Variants in KANK3 observed in about 807,000 individuals in gnomAD.
The protein encoded by KANK3 is KN motif and ankyrin repeat domains 3.
KANK3 carries 61 observed loss-of-function variants against 65.4 expected under a neutral mutation model. The ratio of observed to expected loss-of-function variants is 0.93; its 90% CI spans 0.76 to 1.15. KANK3 has a LOEUF of 1.15. KANK3 is among the 50% of genes most tolerant of loss of function. The pLI is 0.00. For synonymous variants in KANK3, 586 were observed against 543.3 expected (o/e 1.08, Z -1.09); for missense variants, 1,187 against 1,178.8 (o/e 1.01, Z -0.10).
chr19:8,337,199 ATTTTTTTT>A (rs33926642), intron 2 of KANK3, among the ~76,000 whole-genome samples: 2 of 88,856 alleles, frequency 2.3e-5, no homozygotes, highest in Non-Finnish European at 4.2e-5. Context: ...TGCCTGGCTA[ATTTTTTTT>A]TTTTTTTTTT....
At position 8,322,941 on chromosome 19, in the gene KANK3, A is replaced by AG; in HGVS notation, c.2383-20dup. The AG allele has an allele frequency of 4.4e-6, 6 of 1,372,408 alleles. No homozygotes were observed. Among genetic ancestry groups the AG allele is most frequent in the Non-Finnish European group, 5.9e-6 (6 of 1,014,714 alleles). 85.0% of individuals were successfully genotyped at this position (1,372,408 alleles called of 1,614,324 possible). A position where few individuals can be genotyped will look rare whatever the true frequency, so the allele number is the denominator to read the frequency against. On this transcript the variant is annotated intron_variant, in intron 10 of 10. Transcript: ENST00000330915. ...ACTCGCTCTGGAGAGAGGGGAAAAG[A>AG]GGGGGGCCTGCTGCAATCTCCTTGA... is the stretch of plus-strand genomic sequence containing the variant.
rs753560105 is a variant in KANK3, at chr19:8,324,730, T to C, written c.2183A>G (p.Asp728Gly). ...GGCACACATCAGCGCTGTGGCCCCATCCGCATCCTGCGCATTCACATCAGC... is the reference window on the plus strand; with the variant it reads ...GGCACACATCAGCGCTGTGGCCCCACCCGCATCCTGCGCATTCACATCAGC... ...CGADVNAQDA[D>G]GATALMCASE... The change falls in exon 9 of 11, where the codon GAT (aspartate) becomes GGT (glycine). Residue 728 changes from aspartate (D) to glycine (G), a missense_variant. Asp to Gly is a moderately conservative substitution (Grantham distance 94). Transcript: ENST00000330915. 1.9e-6 allele frequency: 3 copies of C among 1,613,906 alleles called. No individual in the cohort carries two copies. The highest frequency in any genetic ancestry group is 1.1e-5 in the South Asian group (1 of 91,094).
rs573315741 is a variant in KANK3 at position 8,325,296 on chromosome 19, C to CTTTTTTTTTTTTTTTTT, written c.1937-217_1937-201dup. On this transcript the variant is annotated intron_variant, in intron 7 of 10. Transcript: ENST00000330915. ...TCAGTGAAGGACCTTCCTGTTTCAT[C>CTTTTTTTTTTTTTTTTT]TTTTTTTTTTTTTTTTTTTTTTTTT... 3.9e-4 allele frequency among the ~76,000 whole-genome samples: 31 copies of CTTTTTTTTTTTTTTTTT among 78,636 alleles called. 4 individuals are homozygous for CTTTTTTTTTTTTTTTTT. The highest frequency in any genetic ancestry group is 5.9e-4 in the African/African-American group (11 of 18,660). 51.6% of individuals were successfully genotyped at this position (78,636 alleles called of 152,430 possible).
At position 8,322,908 on chromosome 19, in the gene KANK3, AG is replaced by A; in HGVS notation, c.2396del (p.Pro799LeufsTer33). ...GQPDTQSESP[P>X]GSQTATPGEG... The stretch of plus-strand genomic sequence containing the variant: ...CACCAGGTGTGGCTGTCTGGGAGCC[AG>A]GGGGTGACTCGCTCTGGAGAGAGGG... On this transcript the variant is annotated frameshift_variant, in exon 11 of 11. Transcript: ENST00000330915. LOFTEE classifies it low-confidence loss of function (END_TRUNC). 7 of 1,544,762 alleles carry A rather than the reference AG, an allele frequency of 4.5e-6. No individual in the cohort carries two copies. The highest frequency in any genetic ancestry group is 2.0e-5 in the Admixed American group (1 of 49,642).
chr19:8,328,437 A>G (rs1035248758), intron 7 of KANK3, among the ~76,000 whole-genome samples: 1 of 148,034 alleles, frequency 6.8e-6, no homozygotes, highest in Non-Finnish European at 1.5e-5. Flanking sequence ...ACACACACTC[A>G]AAACTACACA....
intron 1 of KANK3, chr19:8,338,108 C>G (rs1970674259): frequency 2.7e-6 from 1 of 365,320 alleles, no homozygotes; most frequent in Admixed American, 6.5e-5. Flanking sequence ...TGCAGCCTCC[C>G]CCTCCCGGGT....
rs984370768 is a variant in KANK3, at chr19:8,334,749, C to A, written c.1078G>T (p.Ala360Ser). 1.4e-5 allele frequency: 21 copies of A among 1,526,256 alleles called. No homozygotes were observed. In the African/African-American group the frequency reaches 2.0e-4, roughly 14 times the overall value. The allele number at this position is 1,526,256 out of a possible 1,614,324, so 94.5% of individuals were successfully genotyped here. A position where few individuals can be genotyped will look rare whatever the true frequency, so the allele number is the denominator to read the frequency against. ...ACCCCGCGCTGGTGCTCCAGACTGG[C>A]GCGCAGCAGCTCTAGCTCGCGCTCG... ...AAERELELLR[A>S]SLEHQRGVSE... is the part of the protein sequence containing the mutation. The change falls in exon 3 of 11, where the codon GCC (alanine) becomes TCC (serine). Residue 360 changes from alanine (A) to serine (S), a missense_variant. Ala to Ser is a moderately conservative substitution (Grantham distance 99). Transcript: ENST00000330915.
In KANK3 at chr19:8,324,543, CCCT is replaced by C. The variant is rs1329135609; in HGVS notation, c.2285_2287del (p.Glu762del). 3.1e-6 allele frequency: 5 copies of C among 1,613,578 alleles called. No homozygotes were observed. Among genetic ancestry groups the C allele is most frequent in the Non-Finnish European group, 4.2e-6 (5 of 1,179,812 alleles). Reference sequence around the variant, plus strand: ...CAGGGCGATGGCCAGGGCACTGGTGCCCTCCTGTGGAACGTTAGGGACAGTCAG... The same window carrying C: ...CAGGGCGATGGCCAGGGCACTGGTGCCCTGTGGAACGTTAGGGACAGTCAG... On this transcript the variant is annotated inframe_deletion and splice_region_variant, in exon 10 of 11. Coordinates refer to ENST00000330915, the MANE Select transcript of KANK3 (RefSeq NM_198471.3).
chr19:8,334,444 T>C lies in KANK3; in HGVS notation c.1328-25A>G, dbSNP rs748625414. 2.5e-6 allele frequency: 4 copies of C among 1,612,530 alleles called. No individual in the cohort carries two copies. In the East Asian group the frequency reaches 8.9e-5, roughly 36 times the overall value. ...CCTGGCGGGGATGAGATGAGGGCAC[T>C]GAGTTCGAGTCCGGCGCCGAGTAAG... On this transcript the variant is annotated intron_variant, in intron 3 of 10. Transcript: ENST00000330915.
In KANK3 at chr19:8,337,835, T is replaced by C. The variant is rs1289057312; in HGVS notation, c.-7A>G. On this transcript the variant is annotated 5_prime_UTR_variant, in exon 2 of 11. Coordinates refer to ENST00000330915, the MANE Select transcript of KANK3 (RefSeq NM_198471.3). ...TCAGGGCAAACTTGGCCATGTTTCC[T>C]GCAGCAGCTGTCAGAGGCACCCTGC... The C allele has an allele frequency of 1.2e-6, 2 of 1,613,488 alleles. No individual in the cohort carries two copies. The highest frequency in any genetic ancestry group is 1.7e-6 in the Non-Finnish European group (2 of 1,179,976).
At position 8,333,768 on chromosome 19, in the gene KANK3, G is replaced by A; in HGVS notation, c.1675C>T (p.Leu559=). 1 of 1,502,926 alleles carries A rather than the reference G, an allele frequency of 6.7e-7. No homozygotes were observed. The highest frequency in any genetic ancestry group is 8.9e-7 in the Non-Finnish European group (1 of 1,122,754). 93.1% of individuals were successfully genotyped at this position (1,502,926 alleles called of 1,614,324 possible). A position where few individuals can be genotyped will look rare whatever the true frequency, so the allele number is the denominator to read the frequency against. The change falls in exon 6 of 11, where the codon CTG becomes TTG. Residue 559 remains leucine, a synonymous_variant. Coordinates refer to ENST00000330915, the MANE Select transcript of KANK3 (RefSeq NM_198471.3). This position sits in a 1 kb window ranked among gnomAD's most constrained non-coding sequence, Gnocchi z 5.0. ...SPRLREACVA[L]QRQLSRPRGV... is the part of the protein sequence containing the mutation. ...CGGGGCCGGCTCAGCTGCCGCTGCA[G>A]CGCTACGCACGCCTCCCTCAGACGC...
chr19:8,330,955 T>A (rs1465872337), intron 7 of KANK3, among the ~76,000 whole-genome samples: 2 of 151,440 alleles, frequency 1.3e-5, no homozygotes, highest in Admixed American at 6.6e-5. Flanking sequence ...CCCAGCACTT[T>A]GGGAGGCCGA....
intron 7 of KANK3, among the ~76,000 whole-genome samples, chr19:8,330,106 G>A (rs912598361): frequency 1.3e-5 from 2 of 152,160 alleles, no homozygotes; most frequent in African/African-American, 4.8e-5. Context: ...GGTTTGAGAA[G>A]GAAGAGGGTG....
Position 8,335,529 on chromosome 19 carries a change from C to G in KANK3, c.298G>C (p.Gly100Arg), listed in dbSNP as rs781298446. The G allele has an allele frequency of 1.6e-6, 2 of 1,225,196 alleles. No homozygotes were observed. Among genetic ancestry groups the G allele is most frequent in the Non-Finnish European group, 2.0e-6 (2 of 976,114 alleles). 75.9% of individuals were successfully genotyped at this position (1,225,196 alleles called of 1,614,324 possible). A position where few individuals can be genotyped will look rare whatever the true frequency, so the allele number is the denominator to read the frequency against. ...TGGGAGAGTATGCCCGGTGCTCCAC[C>G]GTCGTCACTGGCCAGGGACTCGCTG... ...TSSESLASDD[G>R]GAPGILSQGA... Residue 100 changes from glycine (G) to arginine (R), a missense_variant, in exon 3 of 11, where the codon GGT becomes CGT. Gly to Arg is a moderately radical substitution (Grantham distance 125). Coordinates refer to ENST00000330915, the MANE Select transcript of KANK3 (RefSeq NM_198471.3).
rs1970602254 is a variant in KANK3, at chr19:8,334,878, G to A, written c.949C>T (p.Gln317Ter). 2.1e-6 allele frequency: 3 copies of A among 1,458,070 alleles called. No homozygotes were observed. The highest frequency in any genetic ancestry group is 2.7e-6 in the Non-Finnish European group (3 of 1,114,328). The allele number at this position is 1,458,070 out of a possible 1,614,324, so 90.3% of individuals were successfully genotyped here. A position where few individuals can be genotyped will look rare whatever the true frequency, so the allele number is the denominator to read the frequency against. Residue 317 changes from glutamine to a stop codon, truncating the protein, a stop_gained, in exon 3 of 11, where the codon CAG becomes TAG. Transcript: ENST00000330915. LOFTEE classifies it high-confidence loss of function. ...GCCTCCCGGGTCTCCGGCACGGCCT[G>A]GGCACCCGCTTCTCGGGTCTCGGGC... ...AVPETREAGAQAVPETREAGV... is the reference protein window; with the variant it reads ...AVPETREAGA
In KANK3 at chr19:8,334,407, G is replaced by T. The variant is rs761908569; in HGVS notation, c.1340C>A (p.Ser447Tyr). 1 of 1,613,962 alleles carries T rather than the reference G, an allele frequency of 6.2e-7. No individual in the cohort carries two copies. The highest frequency in any genetic ancestry group is 1.7e-5 in the Admixed American group (1 of 60,014). ...TGTGCCGTCTCTCTTCTTCATGATG[G>T]ATTTGAGGATGCCTGGCGGGGATGA... ...RAVAPAGILKSIMKKRDGTPG... is the reference protein window; with the variant it reads ...RAVAPAGILKYIMKKRDGTPG... Residue 447 changes from serine (S) to tyrosine (Y), a missense_variant, in exon 4 of 11, where the codon TCC becomes TAC. This residue lies in a region of KANK3 where 1,078 missense variants were observed against 1,038.2 expected (regional missense o/e 1.04). Coordinates refer to ENST00000330915, the MANE Select transcript of KANK3 (RefSeq NM_198471.3).
chr19:8,337,798 G>A lies in KANK3; in HGVS notation c.31C>T (p.Pro11Ser). ...ATCTCTCTTTTTGCACACTCACCGG[G>A]CAGGTTCTGATTCAGGGCAAACTTG... MAKFALNQNL[P>S]DLGGPRLCPV... The change falls in exon 2 of 11, where the codon CCC becomes TCC. Residue 11 changes from proline (P) to serine (S), a missense_variant. Pro to Ser is a moderately conservative substitution (Grantham distance 74). This residue lies in a region of KANK3 where 104 missense variants were observed against 122.1 expected (regional missense o/e 0.85). Transcript: ENST00000330915. The A allele has an allele frequency of 6.2e-7, 1 of 1,613,200 alleles. No homozygotes were observed. Among genetic ancestry groups the A allele is most frequent in the Non-Finnish European group, 8.5e-7 (1 of 1,179,978 alleles).
Position 8,333,247 on chromosome 19 carries a change from C to CCAAGATAACAT in KANK3, c.1720-28_1720-18dup. The stretch of plus-strand genomic sequence containing the variant: ...CACTGCGCCCTGCAAGGGACAGGGG[C>CCAAGATAACAT]CAAGATAACATCGGCGATGGTCCAC... On this transcript the variant is annotated splice_polypyrimidine_tract_variant and intron_variant, in intron 6 of 10. Coordinates refer to ENST00000330915, the MANE Select transcript of KANK3 (RefSeq NM_198471.3). This position sits in a 1 kb window ranked among gnomAD's most constrained non-coding sequence, Gnocchi z 5.0. 1 of 1,592,766 alleles carries CCAAGATAACAT rather than the reference C, an allele frequency of 6.3e-7. No individual in the cohort carries two copies. Among genetic ancestry groups the CCAAGATAACAT allele is most frequent in the South Asian group, 1.1e-5 (1 of 90,286 alleles).
rs760814596 is a variant in KANK3 at position 8,324,511 on chromosome 19, C to G, written c.2320G>C (p.Glu774Gln). ...AGCAGAGCGGCCACCTCATCCTGCT[C>G]AGCCTCCAGGGCGATGGCCAGGGCA... ...TSALAIALEA[E>Q]QDEVAALLHA... Residue 774 changes from glutamate to glutamine, a missense_variant, in exon 10 of 11, where the codon GAG becomes CAG. By Grantham distance (29) the Glu-to-Gln change is conservative. Transcript: ENST00000330915. The G allele has an allele frequency of 6.2e-7, 1 of 1,613,410 alleles. No individual in the cohort carries two copies. Among genetic ancestry groups the G allele is most frequent in the Non-Finnish European group, 8.5e-7 (1 of 1,179,786 alleles).
Sources: gnomAD v4.1 joint callset for allele counts (sites outside exome capture counted in the v4.1 genomes callset) on GRCh38, gnomAD v4.1.1 for gene constraint, gnomAD v4.1.1 regional missense constraint, Gnocchi (gnomAD v3.1) non-coding constraint, MANE v1.5 for transcripts, NCBI Gene and HGNC (gene_info 2026-07-23, HGNC 2026-07-21) for gene names.